The following NRTN variants were observed in gnomAD, a reference collection of about 807,000 sequenced individuals.
NRTN encodes the protein prepro-neurturin.
Under a neutral mutation model 7.5 loss-of-function variants are expected in NRTN, and 3 were observed. The observed-to-expected ratio is 0.40, with a 90% CI of 0.18 to 1.03. The LOEUF (loss-of-function observed/expected upper bound fraction) is 1.03. Ranked by LOEUF, NRTN falls within the 50% of genes least tolerant of loss-of-function variation. The probability of loss-of-function intolerance (pLI) is 0.34; values close to 1 mark genes in which losing one functional copy is unlikely to be tolerated. For synonymous variants in NRTN, 157 were observed against 146.6 expected, an observed-to-expected ratio of 1.07 and a Z score of -0.51; for missense variants, 310 against 307.0, an observed-to-expected ratio of 1.01 and a Z score of -0.07.
At chr19:5,808,963 G>A (rs549035134) in intron 1 of NRTN, among the ~76,000 whole-genome samples, 2 of 151,952 alleles carry the variant, frequency 1.3e-5, no homozygotes, top group Non-Finnish European at 2.9e-5. Flanking sequence ...CACTGTGTTA[G>A]CCAGGATGGT....
Position 5,810,745 on chromosome 19 carries a change from A to G in NRTN, c.-399+5294A>G, listed in dbSNP as rs969250574. Among the ~76,000 whole-genome samples, 20 of 151,960 alleles carry G rather than the reference A, an allele frequency of 1.3e-4. No individual in the cohort carries two copies. In the South Asian group the frequency reaches 3.9e-3, roughly 30 times the overall value. Reference sequence around the variant, plus strand: ...TCAGATCAAGACCACCCTGGCCAACATGGTGAAACCCCATCTCTACTAAAA... The same window carrying G: ...TCAGATCAAGACCACCCTGGCCAACGTGGTGAAACCCCATCTCTACTAAAA... On this transcript the variant is annotated intron_variant, in intron 1 of 2. Transcript: ENST00000303212.
rs200793065 is a variant in NRTN at position 5,823,082 on chromosome 19, AAGAG to A, written c.-398-682_-398-679del. On this transcript the variant is annotated intron_variant, in intron 1 of 2. Transcript: ENST00000303212. ...AAGGAAAGAAAGGAAGAGAAAAAGA[AAGAG>A]AGAAGAAAGAAAGAAAAAGGAAAGA... Among the ~76,000 whole-genome samples, 541 of 137,672 alleles carry A rather than the reference AAGAG, an allele frequency of 3.9e-3. 5 individuals are homozygous for A. Among genetic ancestry groups the A allele is most frequent in the African/African-American group, 0.012 (481 of 39,098 alleles). 90.3% of individuals were successfully genotyped at this position (137,672 alleles called of 152,430 possible).
chr19:5,817,627 AAGAAGGC>A (rs1241911477), intron 1 of NRTN, among the ~76,000 whole-genome samples: 11 of 127,230 alleles, frequency 8.6e-5, no homozygotes, highest in African/African-American at 3.4e-4. Context: ...AAAGAAAAAG[AAGAAGGC>A]AGGCAGGCAG....
intron 1 of NRTN, among the ~76,000 whole-genome samples, chr19:5,813,244 AC>A (rs755960520): frequency 1.3e-5 from 2 of 151,372 alleles, no homozygotes; most frequent in Non-Finnish European, 1.5e-5. Flanking sequence ...AAAAAAAAAA[AC>A]AGATGGAGGC....
chr19:5,806,387 G>T lies in NRTN; in HGVS notation c.-399+936G>T, dbSNP rs1287624801. ...GGCCAGGGGCTTAAAGCAGGGGGGTGCAGGAGGCCGGACCCCTGACTTTCC... is the reference window on the plus strand; with the variant it reads ...GGCCAGGGGCTTAAAGCAGGGGGGTTCAGGAGGCCGGACCCCTGACTTTCC... On this transcript the variant is annotated intron_variant, in intron 1 of 2. Transcript: ENST00000303212. This position sits in a 1 kb window ranked among gnomAD's most constrained non-coding sequence, Gnocchi z 5.4. 8.5e-5 allele frequency among the ~76,000 whole-genome samples: 13 copies of T among 152,150 alleles called. No homozygotes were observed. Among genetic ancestry groups the T allele is most frequent in the Non-Finnish European group, 1.9e-4 (13 of 68,020 alleles).
At chr19:5,811,883 T>G (rs1293708765) in intron 1 of NRTN, among the ~76,000 whole-genome samples, 2 of 149,400 alleles carry the variant, frequency 1.3e-5, no homozygotes, top group Admixed American at 1.3e-4. Context: ...ATTTATTTAT[T>G]TTTTTGAGAC....
chr19:5,812,593 C>G (rs1475463780), intron 1 of NRTN, among the ~76,000 whole-genome samples: 2 of 152,260 alleles, frequency 1.3e-5, no homozygotes, highest in Admixed American at 1.3e-4. Flanking sequence ...CAGTTCGAGG[C>G]TGTCCTGGCT....
At chr19:5,809,533 C>T (rs571147918) in intron 1 of NRTN, among the ~76,000 whole-genome samples, 1 of 151,898 alleles carries the variant, frequency 6.6e-6, no homozygotes, top group East Asian at 1.9e-4. Context: ...TACCTTATTT[C>T]ACATTTATTA....
At chr19:5,821,012 C>T (rs1000063449) in intron 1 of NRTN, among the ~76,000 whole-genome samples, 21 of 152,302 alleles carry the variant, frequency 1.4e-4, no homozygotes, top group African/African-American at 5.1e-4. Context: ...CAGGCCATGC[C>T]TCTGCCTGGA....
chr19:5,815,353 G>C (rs1411993450), intron 1 of NRTN, among the ~76,000 whole-genome samples: 1 of 152,000 alleles, frequency 6.6e-6, no homozygotes, highest in Non-Finnish European at 1.5e-5. Flanking sequence ...AAGTGTGTGT[G>C]TGTGTGTGCA....
intron 2 of NRTN, among the ~76,000 whole-genome samples, chr19:5,825,386 C>A (rs115240543): frequency 6.6e-6 from 1 of 152,178 alleles, no homozygotes; most frequent in Non-Finnish European, 1.5e-5. Context: ...GCGTGTGCAG[C>A]GCCTTTGGGT....
At position 5,808,697 on chromosome 19, in the gene NRTN, G is replaced by A. The variant is rs542987894; in HGVS notation, c.-399+3246G>A. 1.1e-4 allele frequency among the ~76,000 whole-genome samples: 17 copies of A among 151,388 alleles called. No homozygotes were observed. The East Asian group carries it at 2.9e-3, about 26-fold the overall frequency. On this transcript the variant is annotated intron_variant, in intron 1 of 2. Coordinates refer to ENST00000303212, the MANE Select transcript of NRTN (RefSeq NM_004558.5). ...CTCGAACAGGCACGGTCCTGCCTCC[G>A]AGCCTTTATACGTGCAGCTCCCTCC...
intron 2 of NRTN, among the ~76,000 whole-genome samples, chr19:5,826,339 C>A (rs1458300638): frequency 6.6e-6 from 1 of 152,096 alleles, no homozygotes; most frequent in Non-Finnish European, 1.5e-5. Context: ...AGTCATCGCC[C>A]ACCCCCCGCA....
intron 1 of NRTN, among the ~76,000 whole-genome samples, chr19:5,809,209 C>T (rs1382505429): frequency 1.4e-5 from 2 of 148,144 alleles, no homozygotes; most frequent in Non-Finnish European, 3.0e-5. Flanking sequence ...GTTGCTCTGT[C>T]GCCCAGACTA....
chr19:5,825,600 G>A (rs1318983004), intron 2 of NRTN, among the ~76,000 whole-genome samples: 2 of 152,248 alleles, frequency 1.3e-5, no homozygotes, highest in African/African-American at 2.4e-5. Context: ...CCAAAATCCA[G>A]TGCTCCAGGA....
At chr19:5,824,599 G>A (rs1437069706) in intron 2 of NRTN, among the ~76,000 whole-genome samples, 1 of 152,144 alleles carries the variant, frequency 6.6e-6, no homozygotes, top group African/African-American at 2.4e-5. Flanking sequence ...GGGCAATGTA[G>A]CGAGACCGCC....
chr19:5,809,368 C>T (rs1176950792), intron 1 of NRTN, among the ~76,000 whole-genome samples: 5 of 150,740 alleles, frequency 3.3e-5, no homozygotes, highest in African/African-American at 7.3e-5. Context: ...ACGGGGGTCT[C>T]GCTATGTTGC....
chr19:5,827,753 T>C lies in NRTN; in HGVS notation c.174T>C (p.Arg58=). The change falls in exon 3 of 3, where the codon CGT becomes CGC. Residue 58 remains arginine, a synonymous_variant. Transcript: ENST00000303212. ...TTTCTCTTCCTCCCCTCGCAGACCG[T>C]GCACTCCTGCAGGGGGCCCCGGATG... The part of the protein sequence containing the change: ...DARIARLAQY[R]ALLQGAPDAM... 1 of 1,183,698 alleles carries C rather than the reference T, an allele frequency of 8.4e-7. No homozygotes were observed. Among genetic ancestry groups the C allele is most frequent in the South Asian group, 3.8e-5 (1 of 26,208 alleles). The allele number at this position is 1,183,698 out of a possible 1,614,324, so 73.3% of individuals were successfully genotyped here. A position where few individuals can be genotyped will look rare whatever the true frequency, so the allele number is the denominator to read the frequency against.
intron 2 of NRTN, among the ~76,000 whole-genome samples, chr19:5,824,704 C>T (rs1274618578): frequency 6.6e-6 from 1 of 152,168 alleles, no homozygotes; most frequent in Non-Finnish European, 1.5e-5. Context: ...ATCACTTGAG[C>T]CCAAGAGTTC....
Sources: gnomAD v4.1 joint callset for allele counts (sites outside exome capture counted in the v4.1 genomes callset) on GRCh38, gnomAD v4.1.1 for gene constraint, Gnocchi (gnomAD v3.1) non-coding constraint, MANE v1.5 for transcripts, NCBI Gene and HGNC (gene_info 2026-07-23, HGNC 2026-07-21) for gene names.